The following GAS2 variants were observed in gnomAD, a reference collection of about 807,000 sequenced individuals.
The protein encoded by GAS2 is growth arrest-specific protein 2.
In GAS2, 20 loss-of-function variants were observed where a neutral mutation model predicts 37.5. The ratio of observed to expected loss-of-function variants is 0.53; its 90% CI spans 0.37 to 0.77. The LOEUF (loss-of-function observed/expected upper bound fraction) is 0.77, where lower values mean the gene tolerates loss of function less well. Ranked by LOEUF, GAS2 falls within the 30% of genes least tolerant of loss-of-function variation. GAS2 has a pLI of 0.00. For synonymous variants in GAS2, 144 were observed against 132.2 expected (o/e 1.09, Z -0.61); for missense variants, 336 against 373.4 (o/e 0.90, Z 0.82).
At position 22,780,324 on chromosome 11, in the gene GAS2, G is replaced by A. The variant is rs369588903; in HGVS notation, c.723+24371G>A. ...ATCCTGGCCAACATGGAGAAACCCC[G>A]TCTCTACTAAAAATACAAAAATCAG... On this transcript the variant is annotated intron_variant, in intron 7 of 7. Coordinates refer to ENST00000454584, the MANE Select transcript of GAS2 (RefSeq NM_001143830.3). 1.2e-3 allele frequency among the ~76,000 whole-genome samples: 176 copies of A among 151,990 alleles called. 1 individual carries two copies. The highest frequency in any genetic ancestry group is 2.3e-3 in the African/African-American group (94 of 41,466).
At chr11:22,729,647 G>T (rs565562808) in intron 4 of GAS2, among the ~76,000 whole-genome samples, 1 of 151,260 alleles carries the variant, frequency 6.6e-6, no homozygotes, top group South Asian at 2.1e-4. Flanking sequence ...ATTTGCAAAA[G>T]ACTTATAAAA....
chr11:22,754,172 T>C (rs1175780630), intron 6 of GAS2, among the ~76,000 whole-genome samples: 1 of 152,108 alleles, frequency 6.6e-6, no homozygotes, highest in African/African-American at 2.4e-5. Context: ...TAAGGTTCTT[T>C]GAATCCATGA....
intron 1 of GAS2, among the ~76,000 whole-genome samples, chr11:22,654,023 C>G (rs910218582): frequency 5.3e-5 from 8 of 152,154 alleles, no homozygotes; most frequent in Admixed American, 3.3e-4. Flanking sequence ...GACAAAGCCC[C>G]CAAATTATTT....
At chr11:22,779,832 A>G (rs1022611243) in intron 7 of GAS2, among the ~76,000 whole-genome samples, 9 of 152,130 alleles carry the variant, frequency 5.9e-5, no homozygotes, top group African/African-American at 7.2e-5. Flanking sequence ...GTTACTCCCA[A>G]TGTCCTGTCC....
At chr11:22,669,221 T>G (rs1362404088) in intron 1 of GAS2, among the ~76,000 whole-genome samples, 2 of 152,326 alleles carry the variant, frequency 1.3e-5, no homozygotes, top group Non-Finnish European at 2.9e-5. Context: ...AAAATTTTGA[T>G]GTAAATCCTT....
intron 1 of GAS2, among the ~76,000 whole-genome samples, chr11:22,652,465 G>A (rs1434046130): frequency 6.6e-6 from 1 of 152,186 alleles, no homozygotes; most frequent in Non-Finnish European, 1.5e-5. Flanking sequence ...AGAGCTTCCC[G>A]GCTGCTTTGT....
intron 1 of GAS2, among the ~76,000 whole-genome samples, chr11:22,648,396 T>C (rs564084332): frequency 3.4e-4 from 52 of 152,332 alleles, no homozygotes; most frequent in African/African-American, 1.2e-3. Context: ...AGGATTGACT[T>C]GGTGATGCGG....
chr11:22,655,515 G>A (rs115912328), intron 1 of GAS2, among the ~76,000 whole-genome samples: 2,131 of 152,258 alleles, frequency 0.014, 59 homozygotes, highest in African/African-American at 0.049. Flanking sequence ...TCAAAAATTT[G>A]ATCCAAGTAT....
At chr11:22,763,757 G>A (rs1462076152) in intron 7 of GAS2, among the ~76,000 whole-genome samples, 1 of 151,872 alleles carries the variant, frequency 6.6e-6, no homozygotes, top group Admixed American at 6.6e-5. Context: ...GGCCGTGTTT[G>A]CTTCTGATGT....
At chr11:22,732,130 C>G (rs1215173546) in intron 4 of GAS2, among the ~76,000 whole-genome samples, 1 of 151,662 alleles carries the variant, frequency 6.6e-6, no homozygotes. Flanking sequence ...GAAAGATGTA[C>G]TTTGTCTGCG....
At chr11:22,687,076 G>A (rs150177251) in intron 3 of GAS2, among the ~76,000 whole-genome samples, 18 of 152,208 alleles carry the variant, frequency 1.2e-4, no homozygotes, top group African/African-American at 4.1e-4. Context: ...TGTAATCTCA[G>A]CACTTTGCGG....
intron 1 of GAS2, among the ~76,000 whole-genome samples, chr11:22,669,511 A>G (rs999036029): frequency 6.6e-6 from 1 of 152,164 alleles, no homozygotes; most frequent in East Asian, 1.9e-4. Context: ...ACCCAAGACA[A>G]ATCAAGATGG....
upstream of GAS2, among the ~76,000 whole-genome samples, chr11:22,662,697 C>T (rs78107460): frequency 0.016 from 2,453 of 151,744 alleles, 92 homozygotes; most frequent in African/African-American, 0.056. Context: ...ACAGACGTCA[C>T]ACCACAGAAG....
chr11:22,726,797 C>G (rs1003565839), intron 4 of GAS2, among the ~76,000 whole-genome samples: 1 of 152,038 alleles, frequency 6.6e-6, no homozygotes, highest in African/African-American at 2.4e-5. Flanking sequence ...GGTAGCTGTG[C>G]ATGTTCTAGC....
intron 3 of GAS2, among the ~76,000 whole-genome samples, chr11:22,719,111 G>A (rs337438): frequency 0.93 from 141,451 of 152,202 alleles, 66,586 homozygotes; most frequent in East Asian, 1. Flanking sequence ...ATATGCATAC[G>A]TTATGAAATG....
intron 1 of GAS2, among the ~76,000 whole-genome samples, chr11:22,629,528 G>A (rs1265578035): frequency 1.3e-5 from 2 of 152,076 alleles, no homozygotes. Context: ...ATCCCATTGT[G>A]GTTTTAATTT....
At chr11:22,641,795 A>C (rs568898635) in intron 1 of GAS2, among the ~76,000 whole-genome samples, 1 of 152,114 alleles carries the variant, frequency 6.6e-6, no homozygotes, top group Non-Finnish European at 1.5e-5. Flanking sequence ...TAATATTATC[A>C]ATCAGTGTGT....
intron 7 of GAS2, among the ~76,000 whole-genome samples, chr11:22,801,232 T>C (rs1856647534): frequency 6.6e-6 from 1 of 152,050 alleles, no homozygotes; most frequent in Non-Finnish European, 1.5e-5. Flanking sequence ...TGTTATCACA[T>C]ATCATAGAAG....
chr11:22,710,086 A>G (rs1236062099), intron 3 of GAS2, among the ~76,000 whole-genome samples: 1 of 152,006 alleles, frequency 6.6e-6, no homozygotes, highest in African/African-American at 2.4e-5. Flanking sequence ...TGGGTGCAGC[A>G]CACCAGCATG....
Sources: allele counts gnomAD v4.1 joint callset (sites outside exome capture counted in the v4.1 genomes callset), GRCh38; gene constraint gnomAD v4.1.1; transcripts MANE v1.5; gene names NCBI Gene and HGNC (gene_info 2026-07-23, HGNC 2026-07-21).